ADGRD1: variants seen among roughly 807,000 people sequenced by gnomAD.
The protein encoded by ADGRD1 is G-protein coupled receptor 133.
A neutral mutation model predicts 113.4 loss-of-function variants in ADGRD1; 77 were observed. The observed-to-expected ratio is 0.68, with a 90% CI of 0.57 to 0.82. ADGRD1 has a LOEUF of 0.82. ADGRD1 is among the 40% of genes least tolerant of loss of function. ADGRD1 has a pLI of 0.00. For missense variants in ADGRD1, 1,036 were observed against 1,139.1 expected (o/e 0.91, Z 1.30); for synonymous variants, 474 against 475.0 (o/e 1.00, Z 0.03).
intron 18 of ADGRD1, 84 bp downstream of exon 18, chr12:131,108,961 G>A (rs11061329): frequency 0.27 from 107,166 of 394,508 alleles, 15,717 homozygotes; most frequent in South Asian, 0.35. Context: ...GACAGGATGA[G>A]ACAGGTGGAA....
At chr12:131,123,962 G>T (rs1362693937) in intron 20 of ADGRD1, among the ~76,000 whole-genome samples, 1 of 152,232 alleles carries the variant, frequency 6.6e-6, no homozygotes, top group Non-Finnish European at 1.5e-5. Flanking sequence ...GTCTGTGGCT[G>T]CTTTCAGGCT....
At position 131,050,669 on chromosome 12, in the gene ADGRD1, A is replaced by G. The variant is rs1883288862; in HGVS notation, c.1474-26132A>G. On this transcript the variant is annotated intron_variant, in intron 13 of 24. Coordinates refer to ENST00000261654, the MANE Select transcript of ADGRD1 (RefSeq NM_198827.5). The surrounding 1 kb of genome is among the most constrained non-coding windows in gnomAD (Gnocchi z 4.8). The stretch of plus-strand genomic sequence containing the variant: ...AACGCATGATCGTGGGGACAGTGCC[A>G]AGAGGGATGGTGTTAAGCCAGCGGT... Among the ~76,000 whole-genome samples, 1 of 152,074 alleles carries G rather than the reference A, an allele frequency of 6.6e-6. No individual in the cohort carries two copies. The highest frequency in any genetic ancestry group is 2.4e-5 in the African/African-American group (1 of 41,396).
At chr12:130,979,463 G>A (rs756290066) in intron 4 of ADGRD1, among the ~76,000 whole-genome samples, 14 of 152,156 alleles carry the variant, frequency 9.2e-5, no homozygotes, top group South Asian at 4.1e-4. Flanking sequence ...TAATTCATAA[G>A]GCATCACAGA....
At chr12:130,997,277 C>T (rs1308108) in intron 8 of ADGRD1, among the ~76,000 whole-genome samples, 8 of 147,928 alleles carry the variant, frequency 5.4e-5, no homozygotes, top group South Asian at 4.4e-4. Flanking sequence ...CGTCACCTCC[C>T]GGACGGGGCA....
chr12:130,969,271 A>G, intron 3 of ADGRD1: 2 of 550,132 alleles, frequency 3.6e-6, no homozygotes, highest in South Asian at 4.2e-5. Flanking sequence ...GCAATACATT[A>G]GAACAGGGGT....
At chr12:130,963,321 A>G (rs1443037177) in intron 2 of ADGRD1, among the ~76,000 whole-genome samples, 1 of 4,788 alleles carries the variant, frequency 2.1e-4, no homozygotes, top group Non-Finnish European at 3.4e-3. Context: ...CTCCGTCTCA[A>G]AAAAAAAAAA....
chr12:131,094,414 G>A (rs764713520), intron 15 of ADGRD1, among the ~76,000 whole-genome samples: 11 of 152,112 alleles, frequency 7.2e-5, no homozygotes, highest in South Asian at 2.1e-4. Context: ...TGTGGGCACC[G>A]GGGCAGGACG....
chr12:131,083,138 A>G (rs543085883), intron 14 of ADGRD1, among the ~76,000 whole-genome samples: 1 of 152,340 alleles, frequency 6.6e-6, no homozygotes, highest in South Asian at 2.1e-4. Context: ...ACCGCAGTTG[A>G]AAGTGAATTC....
intron 2 of ADGRD1, among the ~76,000 whole-genome samples, chr12:130,960,433 A>G (rs1870199956): frequency 6.6e-6 from 1 of 152,244 alleles, no homozygotes; most frequent in African/African-American, 2.4e-5. Flanking sequence ...TCATCTTCAT[A>G]GTATTTATAA....
At chr12:131,061,776 C>T (rs780959702) in intron 13 of ADGRD1, among the ~76,000 whole-genome samples, 16 of 152,198 alleles carry the variant, frequency 1.1e-4, no homozygotes, top group East Asian at 1.9e-4. Context: ...CAGATCTCCT[C>T]GTTGCTATCC....
chr12:131,085,066 G>A (rs1174238274), intron 15 of ADGRD1, among the ~76,000 whole-genome samples: 1 of 152,238 alleles, frequency 6.6e-6, no homozygotes, highest in Non-Finnish European at 1.5e-5. Flanking sequence ...CTCTTGAGGA[G>A]TTTGTGTTCT....
At chr12:131,004,016 C>T (rs1280698304) in intron 10 of ADGRD1, among the ~76,000 whole-genome samples, 170 bp from the exon 11 acceptor site, 2 of 143,044 alleles carry the variant, frequency 1.4e-5, no homozygotes, top group Admixed American at 1.4e-4. Flanking sequence ...CTCTTCATTG[C>T]TTTACCCTTT....
At chr12:131,081,545 T>C (rs1317873364) in intron 14 of ADGRD1, among the ~76,000 whole-genome samples, 1 of 152,242 alleles carries the variant, frequency 6.6e-6, no homozygotes, top group Non-Finnish European at 1.5e-5. Flanking sequence ...TCCAAATATA[T>C]TCTAAGACAT....
chr12:130,976,373 G>A (rs1212286299), intron 4 of ADGRD1, among the ~76,000 whole-genome samples: 1 of 152,176 alleles, frequency 6.6e-6, no homozygotes, highest in Non-Finnish European at 1.5e-5. Flanking sequence ...CTGCCACGAT[G>A]CTGTGGCACA....
intron 13 of ADGRD1, among the ~76,000 whole-genome samples, chr12:131,042,672 G>A (rs565973164): frequency 3.3e-5 from 5 of 152,258 alleles, no homozygotes; most frequent in Middle Eastern, 3.4e-3. Context: ...GGTCACAGGC[G>A]CTGCGGCTCT....
At position 130,966,664 on chromosome 12, in the gene ADGRD1, TGA is replaced by T. The variant is rs1343169882; in HGVS notation, c.187+122_187+123del. 1.4e-6 allele frequency: 1 copy of T among 708,908 alleles called. No individual in the cohort carries two copies. The highest frequency in any genetic ancestry group is 2.6e-6 in the Non-Finnish European group (1 of 386,636). 43.9% of individuals were successfully genotyped at this position (708,908 alleles called of 1,614,324 possible). On this transcript the variant is annotated intron_variant, in intron 3 of 24. Transcript: ENST00000261654. The surrounding 1 kb of genome is among the most constrained non-coding windows in gnomAD (Gnocchi z 4.6). ...CAGGGCCATTGGGGGACGTGGGTGC[TGA>T]GAGTGACTGTGGGCCGGGGAATCCC...
intron 24 of ADGRD1, 132 bp from the exon 25 acceptor site, chr12:131,139,034 CTT>C: frequency 3.1e-6 from 2 of 653,244 alleles, no homozygotes; most frequent in Non-Finnish European, 5.4e-6. Flanking sequence ...TGGGGGCTCC[CTT>C]CTCTCTGCAC....
At chr12:131,128,419 C>T (rs1387436923) in intron 20 of ADGRD1, among the ~76,000 whole-genome samples, 6 of 152,154 alleles carry the variant, frequency 3.9e-5, no homozygotes, top group Non-Finnish European at 8.8e-5. Flanking sequence ...ATCACTGGAA[C>T]ACTGCATGGC....
intron 15 of ADGRD1, among the ~76,000 whole-genome samples, chr12:131,097,551 C>T (rs549133603): frequency 1.1e-3 from 172 of 152,314 alleles, no homozygotes; most frequent in Middle Eastern, 3.4e-3. Flanking sequence ...GCACATGCTA[C>T]GGCTGCCTAC....
Sources: allele counts gnomAD v4.1 joint callset (sites outside exome capture counted in the v4.1 genomes callset), GRCh38; gene constraint gnomAD v4.1.1; non-coding constraint Gnocchi (gnomAD v3.1); transcripts MANE v1.5; gene names NCBI Gene and HGNC (gene_info 2026-07-23, HGNC 2026-07-21).